The following MAPKAP1 variants were observed in gnomAD, a reference collection of about 807,000 sequenced individuals.
MAPKAP1 encodes the protein target of rapamycin complex 2 subunit MAPKAP1.
In MAPKAP1, 20 loss-of-function variants were observed where a neutral mutation model predicts 65.7. That is an observed-to-expected ratio of 0.30 (90% confidence interval 0.21 to 0.44). The LOEUF (loss-of-function observed/expected upper bound fraction) is 0.44. Among genes scored for constraint, MAPKAP1 ranks in the 20% least tolerant of loss-of-function variants. MAPKAP1 has a pLI of 1.00. For synonymous variants in MAPKAP1, 222 were observed against 244.3 expected (o/e 0.91, Z 0.85); for missense variants, 423 against 648.0 (o/e 0.65, Z 3.77).
intron 3 of MAPKAP1, among the ~76,000 whole-genome samples, chr9:125,665,213 C>T (rs1220464916): frequency 3.3e-5 from 5 of 152,178 alleles, no homozygotes; most frequent in African/African-American, 1.2e-4. Flanking sequence ...GAGGCTGAGG[C>T]ACAAGAATTG....
At chr9:125,688,975 C>T (rs568147991) in intron 1 of MAPKAP1, among the ~76,000 whole-genome samples, 96 of 152,308 alleles carry the variant, frequency 6.3e-4, no homozygotes, top group African/African-American at 2.3e-3. Flanking sequence ...CCACTCCTTA[C>T]ACACAAGTCT....
At chr9:125,554,192 A>T (rs1830668124) in intron 6 of MAPKAP1, among the ~76,000 whole-genome samples, 1 of 152,186 alleles carries the variant, frequency 6.6e-6, no homozygotes, top group Non-Finnish European at 1.5e-5. Context: ...AACAGAGAAA[A>T]ATGGTGACAG....
intron 7 of MAPKAP1, among the ~76,000 whole-genome samples, chr9:125,516,743 C>T (rs140964385): frequency 0.012 from 1,773 of 152,288 alleles, 12 homozygotes; most frequent in Non-Finnish European, 0.016. Flanking sequence ...ACAAGTTATG[C>T]GACTCTGGGC....
chr9:125,557,439 G>A (rs1210775633), intron 6 of MAPKAP1, among the ~76,000 whole-genome samples: 2 of 152,136 alleles, frequency 1.3e-5, no homozygotes, highest in African/African-American at 4.8e-5. Context: ...CTAATACCTT[G>A]TAATGGTAAA....
intron 4 of MAPKAP1, among the ~76,000 whole-genome samples, chr9:125,655,848 T>C (rs529388509): frequency 3.9e-5 from 6 of 152,346 alleles, no homozygotes; most frequent in African/African-American, 9.6e-5. Flanking sequence ...AGACTTGCTA[T>C]GACAAAAGCA....
intron 9 of MAPKAP1, among the ~76,000 whole-genome samples, chr9:125,473,972 A>C (rs1048337473): frequency 6.6e-5 from 10 of 152,238 alleles, no homozygotes; most frequent in Admixed American, 5.9e-4. Context: ...ATTAGGTGAA[A>C]TAAGGCATGA....
chr9:125,625,255 T>TAAAAAAAAAAAAAAAA (rs58671780), intron 4 of MAPKAP1, among the ~76,000 whole-genome samples: 1 of 64,668 alleles, frequency 1.5e-5, no homozygotes, highest in African/African-American at 5.9e-5. Context: ...AATAAATAAA[T>TAAAAAAAAAAAAAAAA]AAAAAAAAAA....
intron 4 of MAPKAP1, among the ~76,000 whole-genome samples, chr9:125,632,284 G>A (rs1048104303): frequency 6.6e-6 from 1 of 151,320 alleles, no homozygotes; most frequent in African/African-American, 2.4e-5. Context: ...CATTTATTAT[G>A]CTATATTATA....
intron 6 of MAPKAP1, among the ~76,000 whole-genome samples, chr9:125,551,491 G>C (rs1364724584): frequency 6.6e-6 from 1 of 152,116 alleles, no homozygotes; most frequent in Non-Finnish European, 1.5e-5. Flanking sequence ...ACTGTTACCT[G>C]ACAGCTGTTA....
intron 3 of MAPKAP1, among the ~76,000 whole-genome samples, chr9:125,660,209 C>A (rs778881719): frequency 6.6e-6 from 1 of 152,142 alleles, no homozygotes; most frequent in Non-Finnish European, 1.5e-5. Context: ...CTTTTAAATA[C>A]CATCTATAAG....
chr9:125,537,406 C>T (rs959270761), intron 7 of MAPKAP1, among the ~76,000 whole-genome samples: 1 of 152,194 alleles, frequency 6.6e-6, no homozygotes, highest in Non-Finnish European at 1.5e-5. Context: ...GCACTCCATT[C>T]ATTAGCTCCC....
At chr9:125,578,794 T>C (rs978400631) in intron 5 of MAPKAP1, among the ~76,000 whole-genome samples, 2 of 152,214 alleles carry the variant, frequency 1.3e-5, no homozygotes, top group African/African-American at 4.8e-5. Flanking sequence ...GAAATTTTAA[T>C]GCATTTCTCT....
intron 8 of MAPKAP1, among the ~76,000 whole-genome samples, chr9:125,498,581 T>A (rs551501930): frequency 1.3e-5 from 2 of 152,098 alleles, no homozygotes; most frequent in African/African-American, 2.4e-5. Flanking sequence ...AATAAATAAA[T>A]AAAAAAGAAA....
chr9:125,676,686 CAGTGG>C (rs1834655769), intron 1 of MAPKAP1, among the ~76,000 whole-genome samples: 2 of 152,196 alleles, frequency 1.3e-5, no homozygotes, highest in Non-Finnish European at 2.9e-5. Context: ...TGGAAATGGA[CAGTGG>C]TGACGGTTGC....
At chr9:125,480,625 A>G (rs1168781350) in intron 9 of MAPKAP1, among the ~76,000 whole-genome samples, 1 of 152,208 alleles carries the variant, frequency 6.6e-6, no homozygotes, top group East Asian at 1.9e-4. Flanking sequence ...GGCAATAGGC[A>G]AAATAAATAA....
chr9:125,495,141 C>A (rs1854894009), intron 8 of MAPKAP1, among the ~76,000 whole-genome samples: 1 of 152,202 alleles, frequency 6.6e-6, no homozygotes, highest in African/African-American at 2.4e-5. Context: ...ATGGGGTCTT[C>A]TCAGGAGCAT....
chr9:125,489,044 T>C (rs1328385863), intron 8 of MAPKAP1, among the ~76,000 whole-genome samples: 1 of 152,220 alleles, frequency 6.6e-6, no homozygotes, highest in South Asian at 2.1e-4. Flanking sequence ...ATGCTTGATA[T>C]TGTACCATCT....
In MAPKAP1 at chr9:125,574,951, C is replaced by T. The variant is rs1011894045; in HGVS notation, c.671+10604G>A. 7.9e-5 allele frequency among the ~76,000 whole-genome samples: 12 copies of T among 152,284 alleles called. No individual in the cohort carries two copies. The East Asian group carries it at 2.3e-3, about 29-fold the overall frequency. On this transcript the variant is annotated intron_variant, in intron 5 of 11. Transcript: ENST00000265960. ...AGGCGTTAACACCAGAATTAAAACC[C>T]AGCCTGTAGCTGTGAATCTCACACT...
chr9:125,662,658 G>A (rs1834221759), intron 3 of MAPKAP1, among the ~76,000 whole-genome samples: 1 of 151,860 alleles, frequency 6.6e-6, no homozygotes, highest in African/African-American at 2.4e-5. Flanking sequence ...ACTCCAGCCT[G>A]GGCGACAGAG....
Sources: gnomAD v4.1 joint callset for allele counts (sites outside exome capture counted in the v4.1 genomes callset) on GRCh38, gnomAD v4.1.1 for gene constraint, MANE v1.5 for transcripts, NCBI Gene and HGNC (gene_info 2026-07-23, HGNC 2026-07-21) for gene names.